The following PDLIM7 variants were observed in gnomAD, a reference collection of about 807,000 sequenced individuals.
The protein encoded by PDLIM7 is PDZ and LIM domain 7, also known as PDZ and LIM domain protein 7.
Under a neutral mutation model 53.9 loss-of-function variants are expected in PDLIM7, and 37 were observed. The observed-to-expected ratio is 0.69, with a 90% CI of 0.53 to 0.90. The LOEUF is 0.90. Ranked by LOEUF, PDLIM7 falls within the 40% of genes least tolerant of loss-of-function variation. The pLI is 0.00. For synonymous variants in PDLIM7, 300 were observed against 261.3 expected, an observed-to-expected ratio of 1.15 and a Z score of -1.43; for missense variants, 617 against 638.5, an observed-to-expected ratio of 0.97 and a Z score of 0.36.
chr5:177,488,159 A>C lies in PDLIM7; in HGVS notation c.959T>G (p.Phe320Cys). The C allele has an allele frequency of 1.9e-6, 3 of 1,613,484 alleles. No individual in the cohort carries two copies. Among genetic ancestry groups the C allele is most frequent in the South Asian group, 1.1e-5 (1 of 91,090 alleles). The change falls in exon 10 of 13, where the codon TTC becomes TGC. Residue 320 changes from phenylalanine to cysteine, a missense_variant. By Grantham distance (205) the Phe-to-Cys change is radical. Transcript: ENST00000355841. ...QCGKVLEEGGFFEEKGAIFCP... is the reference protein window; with the variant it reads ...QCGKVLEEGGCFEEKGAIFCP... ...GAAGATGGCGCCCTTCTCCTCAAAG[A>C]AGCCACCCTCTTCCAGGACCTTCCC... is the stretch of plus-strand genomic sequence containing the variant.
In PDLIM7 at chr5:177,491,943, C is replaced by A. The variant is rs749306705; in HGVS notation, c.280-18G>T. 4 of 113,052 alleles carry A rather than the reference C, an allele frequency of 3.5e-5. No homozygotes were observed. Among genetic ancestry groups the A allele is most frequent in the African/African-American group, 1.2e-4 (2 of 16,650 alleles). The allele number at this position is 113,052 out of a possible 1,614,324, so 7.0% of individuals were successfully genotyped here. On this transcript the variant is annotated intron_variant, in intron 4 of 12. Coordinates refer to ENST00000355841, the MANE Select transcript of PDLIM7 (RefSeq NM_005451.5). ...GCGGAGGCCTGGGCAGAGACACAGC[C>A]GGGCAGGGCGGGCGGGCAGGGTAAG...
chr5:177,496,564 G>A, intron 1 of PDLIM7, 41 bp from the exon 2 acceptor site: 4 of 1,427,260 alleles, frequency 2.8e-6, no homozygotes, highest in Non-Finnish European at 3.8e-6. Flanking sequence ...AGCATGGTGG[G>A]CGGGCAGGCA....
intron 10 of PDLIM7, chr5:177,484,804 A>C (rs28621941): frequency 0.99 from 153,322 of 155,102 alleles, 75,812 homozygotes; most frequent in East Asian, 1. Flanking sequence ...CTCGTTCCCA[A>C]CCGTCTCCGC....
At position 177,489,795 on chromosome 5, in the gene PDLIM7, A is replaced by T. The variant is rs780147117; in HGVS notation, c.610T>A (p.Ser204Thr). 1 of 1,582,662 alleles carries T rather than the reference A, an allele frequency of 6.3e-7. No individual in the cohort carries two copies. The highest frequency in any genetic ancestry group is 8.6e-7 in the Non-Finnish European group (1 of 1,166,136). ...PRTEAPAPAS[S>T]TPQEPWPGPT... ...CCAGGCCAGGGCTCCTGGGGTGTAG[A>T]TGAGGCTGGGGCTGGGGCTTCTGTC... is the stretch of plus-strand genomic sequence containing the variant. The change falls in exon 8 of 13, where the codon TCT (serine) becomes ACT (threonine). Residue 204 changes from serine (S) to threonine (T), a missense_variant. Physicochemically the swap from Ser to Thr is moderately conservative, Grantham distance 58 (BLOSUM62 1). Coordinates refer to ENST00000355841, the MANE Select transcript of PDLIM7 (RefSeq NM_005451.5).
In PDLIM7 at chr5:177,492,516, A is replaced by G. The variant is rs199742019; in HGVS notation, c.248+10T>C. On this transcript the variant is annotated intron_variant, in intron 3 of 12. Transcript: ENST00000355841. ...AGCGCGGGCGCACCCATCCATGTCC[A>G]CCCGCATACCTGCTGAGGCCCAGGC... is the stretch of plus-strand genomic sequence containing the variant. 1.2e-3 allele frequency: 1,972 copies of G among 1,613,628 alleles called. 2 individuals carry two copies. The highest frequency in any genetic ancestry group is 1.6e-3 in the Non-Finnish European group (1,869 of 1,179,752).
At chr5:177,496,354 C>T (rs1007038935) in intron 2 of PDLIM7, 63 bp downstream of exon 2, 4 of 1,259,798 alleles carry the variant, frequency 3.2e-6, no homozygotes, top group Admixed American at 2.7e-5. Context: ...CCCCCCATCA[C>T]CCTCTGGAGA....
In PDLIM7 at chr5:177,492,670, G is replaced by A. The variant is rs1581762698; in HGVS notation, c.104C>T (p.Pro35Leu). ...TCCGGCCTGCGCCGCTTTGCCCCCA[G>A]GAGTGAGCTGTGGAGAGAGAAGCAA... ...NVPLSISRLT[P>L]GGKAAQAGVA... Residue 35 changes from proline to leucine, a missense_variant, in exon 3 of 13, where the codon CCT (proline) becomes CTT (leucine). Coordinates refer to ENST00000355841, the MANE Select transcript of PDLIM7 (RefSeq NM_005451.5). 1 of 1,604,462 alleles carries A rather than the reference G, an allele frequency of 6.2e-7. No homozygotes were observed. Among genetic ancestry groups the A allele is most frequent in the Non-Finnish European group, 8.5e-7 (1 of 1,179,778 alleles).
chr5:177,496,069 G>A (rs995222486), intron 2 of PDLIM7, among the ~76,000 whole-genome samples: 3 of 152,116 alleles, frequency 2.0e-5, no homozygotes, highest in African/African-American at 4.8e-5. Context: ...ACAGTGTCCT[G>A]CCTGGGGCCT....
In PDLIM7 at chr5:177,490,157, C is replaced by T. The variant is rs142190137; in HGVS notation, c.573-325G>A. 7.8e-4 allele frequency: 1,137 copies of T among 1,466,726 alleles called. 16 individuals are homozygous for T. In the East Asian group the frequency reaches 0.027, roughly 34 times the overall value. 90.9% of individuals were successfully genotyped at this position (1,466,726 alleles called of 1,614,324 possible). A position where few individuals can be genotyped will look rare whatever the true frequency, so the allele number is the denominator to read the frequency against. ...TACCCCCTCCCACTGAAAACGAGGA[C>T]GGCAGGGCCCAAACAGTCCGAACCA... On this transcript the variant is annotated intron_variant, in intron 7 of 12. Coordinates refer to ENST00000355841, the MANE Select transcript of PDLIM7 (RefSeq NM_005451.5).
At chr5:177,490,772 T>C (rs974183327) in intron 7 of PDLIM7, 98 bp downstream of exon 7, 7 of 1,121,736 alleles carry the variant, frequency 6.2e-6, no homozygotes, top group South Asian at 5.0e-5. Flanking sequence ...GAAGGGAGAA[T>C]TGAGAGCCCC....
intron 7 of PDLIM7, 172 bp downstream of exon 7, chr5:177,490,698 G>C: frequency 1.1e-6 from 1 of 945,114 alleles, no homozygotes; most frequent in Non-Finnish European, 1.6e-6. Flanking sequence ...ATGAAAGAAG[G>C]AAGGAAGGAG....
chr5:177,495,323 G>A (rs1759013978), intron 2 of PDLIM7, among the ~76,000 whole-genome samples: 1 of 152,094 alleles, frequency 6.6e-6, no homozygotes, highest in Admixed American at 6.5e-5. Flanking sequence ...TCCAGCTTGA[G>A]CCCCTCCTCA....
intron 7 of PDLIM7, chr5:177,490,661 G>T: frequency 9.1e-7 from 1 of 1,100,572 alleles, no homozygotes; most frequent in Admixed American, 2.0e-5. Flanking sequence ...CAGGGAGGGA[G>T]GAGGGAAGGA....
intron 5 of PDLIM7, chr5:177,491,444 G>A (rs1250696219): frequency 3.3e-6 from 5 of 1,537,640 alleles, no homozygotes; most frequent in South Asian, 1.2e-5. Context: ...AAGACAGACA[G>A]ACAGATAAAG....
intron 10 of PDLIM7, among the ~76,000 whole-genome samples, chr5:177,487,277 A>G (rs1031809159): frequency 1.3e-5 from 2 of 152,210 alleles, no homozygotes; most frequent in African/African-American, 2.4e-5. Context: ...TTTGCTGGAC[A>G]CATGGGTGCC....
Position 177,483,482 on chromosome 5 carries a change from G to C in PDLIM7, c.*162C>G. ...GTGTGCTGTGGTGGTGGAGGGAGTGGGGTGGGAGGATAAGGTGGGTGGGGC... is the reference window on the plus strand; with the variant it reads ...GTGTGCTGTGGTGGTGGAGGGAGTGCGGTGGGAGGATAAGGTGGGTGGGGC... On this transcript the variant is annotated 3_prime_UTR_variant, in exon 13 of 13. Coordinates refer to ENST00000355841, the MANE Select transcript of PDLIM7 (RefSeq NM_005451.5). 1.7e-6 allele frequency: 1 copy of C among 596,722 alleles called. No individual in the cohort carries two copies. The highest frequency in any genetic ancestry group is 2.8e-5 in the East Asian group (1 of 35,890). 37.0% of individuals were successfully genotyped at this position (596,722 alleles called of 1,614,324 possible).
intron 2 of PDLIM7, among the ~76,000 whole-genome samples, chr5:177,495,457 A>C (rs1581765632): frequency 6.6e-6 from 1 of 151,618 alleles, no homozygotes; most frequent in Non-Finnish European, 1.5e-5. Context: ...GGAAGTCCCC[A>C]CCCCCTCCTG....
chr5:177,492,469 G>C, intron 3 of PDLIM7, 34 bp from the exon 4 acceptor site: 1 of 1,613,650 alleles, frequency 6.2e-7, no homozygotes, highest in Non-Finnish European at 8.5e-7. Flanking sequence ...AGCGGGCCGG[G>C]CCCGCAGGGA....
intron 10 of PDLIM7, among the ~76,000 whole-genome samples, chr5:177,486,987 G>T (rs1344099632): frequency 1.7e-5 from 2 of 117,268 alleles, no homozygotes; most frequent in African/African-American, 3.3e-5. Flanking sequence ...CAGGCTGGAA[G>T]GCAGTGGCAC....
Sources: gnomAD v4.1 joint callset for allele counts (sites outside exome capture counted in the v4.1 genomes callset) on GRCh38, gnomAD v4.1.1 for gene constraint, MANE v1.5 for transcripts, NCBI Gene and HGNC (gene_info 2026-07-23, HGNC 2026-07-21) for gene names.